The following CAMTA1 variants were observed in gnomAD, a reference collection of about 807,000 sequenced individuals.
The protein encoded by CAMTA1 is calmodulin binding transcription activator 1.
Under a neutral mutation model 170.9 loss-of-function variants are expected in CAMTA1, and 27 were observed. The ratio of observed to expected loss-of-function variants is 0.16; its 90% CI spans 0.12 to 0.22. The LOEUF (loss-of-function observed/expected upper bound fraction) is 0.22, where lower values mean the gene tolerates loss of function less well. CAMTA1 is among the 10% of genes least tolerant of loss of function. The pLI, the probability that CAMTA1 is intolerant of heterozygous loss-of-function variation, is 1.00. For missense variants in CAMTA1, 1,619 were observed against 2,217.2 expected (o/e 0.73, Z 5.42); for synonymous variants, 833 against 891.5 (o/e 0.93, Z 1.17).
At chr1:6,794,880 C>CTTTTTTTTTTTTTT (rs1305335139) in intron 1 of CAMTA1, among the ~76,000 whole-genome samples, 7 of 141,890 alleles carry the variant, frequency 4.9e-5, no homozygotes, top group South Asian at 2.2e-4. Context: ...TAGATAAAGG[C>CTTTTTTTTTTTTTT]TTTTTTTTTG....
At position 7,738,408 on chromosome 1, in the gene CAMTA1, G is replaced by A; in HGVS notation, c.4108G>A (p.Val1370Met). Reference protein sequence around the residue: ...SVLMMANREVVNTELGSYRDS... With the variant: ...SVLMMANREVMNTELGSYRDS... ...CCTGATGATGGCTAACAGAGAGGTGGTGAATACAGAGCTGGGGTCCTACCG... is the reference window on the plus strand; with the variant it reads ...CCTGATGATGGCTAACAGAGAGGTGATGAATACAGAGCTGGGGTCCTACCG... The change falls in exon 16 of 23, where the codon GTG (valine) becomes ATG (methionine). Residue 1370 changes from valine (V) to methionine (M), a missense_variant. Val to Met is a conservative substitution (Grantham distance 21, BLOSUM62 1). Transcript: ENST00000303635. The surrounding 1 kb of genome is among the most constrained non-coding windows in gnomAD (Gnocchi z 4.9). 1.9e-6 allele frequency: 3 copies of A among 1,614,224 alleles called. No individual in the cohort carries two copies. Among genetic ancestry groups the A allele is most frequent in the Non-Finnish European group, 2.5e-6 (3 of 1,180,048 alleles).
rs1253565380 is a variant in CAMTA1 at position 7,682,867 on chromosome 1, TG to T, written c.2914+5135del. Among the ~76,000 whole-genome samples the T allele has an allele frequency of 1.3e-5, 2 of 152,206 alleles. No homozygotes were observed. The highest frequency in any genetic ancestry group is 2.9e-5 in the Non-Finnish European group (2 of 68,026). On this transcript the variant is annotated intron_variant, in intron 11 of 22. Transcript: ENST00000303635. This position sits in a 1 kb window ranked among gnomAD's most constrained non-coding sequence, Gnocchi z 5.0. ...GAACACATCGCATGACATGGGATGC[TG>T]TAAGAGAACATACACAGAGTTGGCT...
intron 3 of CAMTA1, among the ~76,000 whole-genome samples, chr1:7,039,347 AC>A (rs1457063416): frequency 6.6e-6 from 1 of 152,148 alleles, no homozygotes; most frequent in Non-Finnish European, 1.5e-5. Flanking sequence ...TGCCCAGGCA[AC>A]CCTTGTAATT....
chr1:7,268,297 A>G (rs1311457787), intron 5 of CAMTA1, among the ~76,000 whole-genome samples: 1 of 152,140 alleles, frequency 6.6e-6, no homozygotes, highest in Non-Finnish European at 1.5e-5. Flanking sequence ...AGGTCCAGAA[A>G]TCTGGATAGA....
chr1:7,701,957 T>G (rs1295614071), intron 11 of CAMTA1, among the ~76,000 whole-genome samples: 2 of 152,134 alleles, frequency 1.3e-5, no homozygotes, highest in Non-Finnish European at 2.9e-5. Context: ...TTTAGGGCGC[T>G]GGCAGCACTC....
At chr1:7,479,284 C>T (rs567105300) in intron 6 of CAMTA1, among the ~76,000 whole-genome samples, 1 of 152,244 alleles carries the variant, frequency 6.6e-6, no homozygotes, top group Non-Finnish European at 1.5e-5. Context: ...CAGGTGAAGA[C>T]AGGTGCGCCC....
At chr1:6,945,604 T>TC in intron 3 of CAMTA1, among the ~76,000 whole-genome samples, 1 of 152,208 alleles carries the variant, frequency 6.6e-6, no homozygotes, top group South Asian at 2.1e-4. Context: ...CTGCTTCGCC[T>TC]CCAAGTGCAG....
chr1:7,072,852 T>C (rs1008996114), intron 3 of CAMTA1, among the ~76,000 whole-genome samples: 4 of 152,126 alleles, frequency 2.6e-5, no homozygotes, highest in Non-Finnish European at 5.9e-5. Flanking sequence ...AAGGGGACTG[T>C]GTGGCTGAGT....
intron 5 of CAMTA1, among the ~76,000 whole-genome samples, chr1:7,342,372 T>G (rs2083898723): frequency 6.6e-6 from 1 of 152,160 alleles, no homozygotes. Flanking sequence ...GGTTCCAGGA[T>G]TGCCCTGATG....
chr1:7,054,402 T>C (rs1706966634), intron 3 of CAMTA1, among the ~76,000 whole-genome samples: 1 of 152,256 alleles, frequency 6.6e-6, no homozygotes, highest in Admixed American at 6.5e-5. Flanking sequence ...TTCCTGCTGG[T>C]GCACATCATG....
At chr1:6,890,164 G>A (rs894032704) in intron 3 of CAMTA1, among the ~76,000 whole-genome samples, 3 of 152,186 alleles carry the variant, frequency 2.0e-5, no homozygotes, top group African/African-American at 4.8e-5. Flanking sequence ...GACTGGCCCT[G>A]TAATTTCATA....
intron 7 of CAMTA1, among the ~76,000 whole-genome samples, chr1:7,653,702 A>AT (rs2149052733): frequency 6.6e-6 from 1 of 151,930 alleles, no homozygotes; most frequent in South Asian, 2.1e-4. Flanking sequence ...TGATGAACCA[A>AT]TTAAAAAAAA....
intron 3 of CAMTA1, among the ~76,000 whole-genome samples, chr1:6,955,014 G>A (rs1009073262): frequency 6.6e-6 from 1 of 152,072 alleles, no homozygotes. Flanking sequence ...CGTGTTTATT[G>A]ATTGTTGTCT....
chr1:7,428,796 G>A (rs564262066), intron 5 of CAMTA1, among the ~76,000 whole-genome samples: 8 of 151,970 alleles, frequency 5.3e-5, no homozygotes, highest in Non-Finnish European at 1.2e-4. Context: ...GTATTGCGTG[G>A]CCTTTGCATA....
At chr1:7,227,113 G>T (rs183203275) in intron 4 of CAMTA1, among the ~76,000 whole-genome samples, 2 of 151,700 alleles carry the variant, frequency 1.3e-5, no homozygotes. Context: ...GATTACAGGC[G>T]TGAGCCACCA....
intron 1 of CAMTA1, among the ~76,000 whole-genome samples, chr1:6,798,632 C>G (rs1197937162): frequency 9.9e-6 from 1 of 101,354 alleles, no homozygotes; most frequent in African/African-American, 4.0e-5. Context: ...CTCTGTCGCC[C>G]AGGCCGGACT....
intron 5 of CAMTA1, among the ~76,000 whole-genome samples, chr1:7,267,513 C>G (rs1184465283): frequency 1.3e-5 from 2 of 152,146 alleles, no homozygotes; most frequent in African/African-American, 4.8e-5. Flanking sequence ...GCCCCTGTAG[C>G]CAGAGGCTCC....
At chr1:7,614,819 A>G (rs2095548539) in intron 6 of CAMTA1, among the ~76,000 whole-genome samples, 2 of 151,812 alleles carry the variant, frequency 1.3e-5, no homozygotes, top group East Asian at 1.9e-4. Context: ...TGTCCTCCTC[A>G]CTCACCTTGA....
At chr1:6,938,942 C>T (rs980257643) in intron 3 of CAMTA1, among the ~76,000 whole-genome samples, 7 of 152,222 alleles carry the variant, frequency 4.6e-5, no homozygotes, top group Non-Finnish European at 5.9e-5. Context: ...GTTCCCAAGA[C>T]GTTTGGGCCT....
Sources: allele counts gnomAD v4.1 joint callset (sites outside exome capture counted in the v4.1 genomes callset), GRCh38; gene constraint gnomAD v4.1.1; non-coding constraint Gnocchi (gnomAD v3.1); transcripts MANE v1.5; gene names NCBI Gene and HGNC (gene_info 2026-07-23, HGNC 2026-07-21).